The following FRMPD1 variants were observed in gnomAD, a reference collection of about 807,000 sequenced individuals.
FRMPD1 encodes FERM and PDZ domain containing 1, also known as FERM and PDZ domain-containing protein 1.
FRMPD1 carries 76 observed loss-of-function variants against 117.8 expected under a neutral mutation model. The ratio of observed to expected loss-of-function variants is 0.65; its 90% CI spans 0.54 to 0.78. The LOEUF (loss-of-function observed/expected upper bound fraction) is 0.78. Ranked by LOEUF, FRMPD1 falls within the 30% of genes least tolerant of loss-of-function variation. FRMPD1 has a pLI of 0.00. For synonymous variants in FRMPD1, 783 were observed against 770.4 expected (o/e 1.02, Z -0.27); for missense variants, 1,786 against 1,964.5 (o/e 0.91, Z 1.72).
the FRMPD1 span, among the ~76,000 whole-genome samples, chr9:37,615,998 G>A: frequency 2.6e-5 from 4 of 151,648 alleles, no homozygotes; most frequent in African/African-American, 9.7e-5. Context: ...TGTATTTTTA[G>A]TAGAGACGGG....
At chr9:37,695,074 TG>T (rs1822274617) in intron 2 of FRMPD1, among the ~76,000 whole-genome samples, 1 of 152,188 alleles carries the variant, frequency 6.6e-6, no homozygotes, top group Non-Finnish European at 1.5e-5. Context: ...ACATTTGAGT[TG>T]TTTTTACTTT....
intron 1 of FRMPD1, among the ~76,000 whole-genome samples, chr9:37,685,883 T>C (rs1368781794): frequency 6.6e-6 from 1 of 152,264 alleles, no homozygotes; most frequent in Non-Finnish European, 1.5e-5. Context: ...TGTTTTCATT[T>C]CTCAATAGCT....
intron 2 of FRMPD1, among the ~76,000 whole-genome samples, chr9:37,705,688 C>G (rs1465156394): frequency 6.6e-6 from 1 of 151,936 alleles, no homozygotes; most frequent in Non-Finnish European, 1.5e-5. Flanking sequence ...TTTACAAAAT[C>G]AGGAATAGGC....
rs73445145 is a variant in FRMPD1, at chr9:37,700,751, T to C, written c.102-6665T>C. On this transcript the variant is annotated intron_variant, in intron 2 of 15. Coordinates refer to ENST00000377765, the MANE Select transcript of FRMPD1 (RefSeq NM_014907.3). Reference sequence around the variant, plus strand: ...TAACATGTTTGTTCTGGTTCTACCTTAGGGGAGATCCAGTTATCTGGCAGG... The same window carrying C: ...TAACATGTTTGTTCTGGTTCTACCTCAGGGGAGATCCAGTTATCTGGCAGG... Among the ~76,000 whole-genome samples the C allele has an allele frequency of 4.4e-3, 664 of 152,310 alleles. 5 individuals are homozygous for C. Among genetic ancestry groups the C allele is most frequent in the African/African-American group, 0.015 (642 of 41,574 alleles).
chr9:37,675,279 C>G (rs1434766752), intron 1 of FRMPD1, among the ~76,000 whole-genome samples: 2 of 151,874 alleles, frequency 1.3e-5, no homozygotes, highest in Non-Finnish European at 2.9e-5. Context: ...AAAAATGAAT[C>G]GGAGTGGTGG....
At chr9:37,603,577 C>G in the FRMPD1 span, among the ~76,000 whole-genome samples, 1 of 152,114 alleles carries the variant, frequency 6.6e-6, no homozygotes. Context: ...GGTGGCAGAG[C>G]AGTTGTGATT....
chr9:37,734,208 C>G (rs560221158), intron 12 of FRMPD1, among the ~76,000 whole-genome samples: 3 of 151,982 alleles, frequency 2.0e-5, no homozygotes, highest in Admixed American at 6.6e-5. Context: ...CAAGAGGAAG[C>G]CTGAATTTGG....
chr9:37,612,839 G>GT, the FRMPD1 span, among the ~76,000 whole-genome samples: 1 of 152,134 alleles, frequency 6.6e-6, no homozygotes, highest in African/African-American at 2.4e-5. Flanking sequence ...GAGATGTCCT[G>GT]TTTTTAAGTG....
intron 1 of FRMPD1, among the ~76,000 whole-genome samples, chr9:37,674,210 C>G (rs925102478): frequency 6.6e-6 from 1 of 152,210 alleles, no homozygotes; most frequent in African/African-American, 2.4e-5. Flanking sequence ...GCCAGATAAC[C>G]TAGATCATCC....
the FRMPD1 span, among the ~76,000 whole-genome samples, chr9:37,634,064 A>T: frequency 3.2e-3 from 493 of 152,338 alleles, 6 homozygotes; most frequent in African/African-American, 0.011. Context: ...TTGCCTCCAC[A>T]TTTCTAAATC....
intron 8 of FRMPD1, among the ~76,000 whole-genome samples, 197 bp from the exon 9 acceptor site, chr9:37,730,787 T>C (rs1759993152): frequency 6.6e-6 from 1 of 152,188 alleles, no homozygotes; most frequent in African/African-American, 2.4e-5. Flanking sequence ...GCTGCCCTTT[T>C]GAACCTTTTA....
the FRMPD1 span, among the ~76,000 whole-genome samples, chr9:37,627,709 T>G: frequency 6.6e-6 from 1 of 152,198 alleles, no homozygotes; most frequent in African/African-American, 2.4e-5. Flanking sequence ...TTTAAACAGC[T>G]CAATTTTATT....
At position 37,731,041 on chromosome 9, in the gene FRMPD1, C is replaced by A. The variant is rs747833487; in HGVS notation, c.796C>A (p.Pro266Thr). 1 of 1,613,398 alleles carries A rather than the reference C, an allele frequency of 6.2e-7. No individual in the cohort carries two copies. The highest frequency in any genetic ancestry group is 8.5e-7 in the Non-Finnish European group (1 of 1,179,364). ...YRCLFRVCFV[P>T]KDPLDLLKED... ...CTGCCTCTTCAGGGTCTGTTTTGTT[C>A]CCAAGGACCCCCTGGACCTCCTGAA... The change falls in exon 9 of 16, where the codon CCC becomes ACC. Residue 266 changes from proline to threonine, a missense_variant. Physicochemically the swap from Pro to Thr is conservative, Grantham distance 38. Coordinates refer to ENST00000377765, the MANE Select transcript of FRMPD1 (RefSeq NM_014907.3).
the FRMPD1 span, among the ~76,000 whole-genome samples, chr9:37,628,779 C>T: frequency 3.4e-4 from 52 of 152,296 alleles, no homozygotes; most frequent in African/African-American, 1.2e-3. Flanking sequence ...CAAGCTCCTT[C>T]CTCCTTCCCT....
intron 5 of FRMPD1, 23 bp downstream of exon 5, chr9:37,711,418 T>C: frequency 6.4e-7 from 1 of 1,566,726 alleles, no homozygotes; most frequent in Non-Finnish European, 8.8e-7. Flanking sequence ...CTATGTCCTG[T>C]GTGTTAGTTT....
chr9:37,723,782 C>G (rs1237218018), intron 6 of FRMPD1, among the ~76,000 whole-genome samples: 1 of 151,912 alleles, frequency 6.6e-6, no homozygotes, highest in African/African-American at 2.4e-5. Context: ...CACCTGAGGT[C>G]AGGAGTTCAA....
intron 1 of FRMPD1, among the ~76,000 whole-genome samples, chr9:37,659,172 T>C (rs1336755384): frequency 6.6e-6 from 1 of 152,140 alleles, no homozygotes; most frequent in Non-Finnish European, 1.5e-5. Context: ...AGCCAAGACT[T>C]GGATATCTTT....
chr9:37,636,924 C>G, the FRMPD1 span: 1 of 1,608,360 alleles, frequency 6.2e-7, no homozygotes, highest in Non-Finnish European at 8.5e-7. Context: ...GTGGTGAGGT[C>G]GCTCTTGTTG....
At chr9:37,714,908 A>C (rs2118210108) in intron 5 of FRMPD1, among the ~76,000 whole-genome samples, 1 of 152,268 alleles carries the variant, frequency 6.6e-6, no homozygotes, top group African/African-American at 2.4e-5. Flanking sequence ...TCGGCCTCCC[A>C]AAGTGCTGGG....
Sources: allele counts gnomAD v4.1 joint callset (sites outside exome capture counted in the v4.1 genomes callset), GRCh38; gene constraint gnomAD v4.1.1; transcripts MANE v1.5; gene names NCBI Gene and HGNC (gene_info 2026-07-23, HGNC 2026-07-21).